Variants in FAM168B observed in about 807,000 individuals in gnomAD.
The protein encoded by FAM168B is myelin-associated neurite-outgrowth inhibitor.
Under a neutral mutation model 21.8 loss-of-function variants are expected in FAM168B, and 19 were observed. That is an observed-to-expected ratio of 0.87 (90% CI 0.61 to 1.28). The LOEUF is 1.28. Ranked by LOEUF, FAM168B falls within the 50% of genes most tolerant of loss-of-function variation. The pLI, the probability that FAM168B is intolerant of heterozygous loss-of-function variation, is 0.00. For missense variants in FAM168B, 233 were observed against 263.1 expected, an observed-to-expected ratio of 0.89 and a Z score of 0.79; for synonymous variants, 126 against 104.8, an observed-to-expected ratio of 1.20 and a Z score of -1.24.
In FAM168B at chr2:131,082,667, A is replaced by G. The variant is rs1298548019; in HGVS notation, c.-11-10T>C. On this transcript the variant is annotated splice_polypyrimidine_tract_variant and intron_variant, in intron 1 of 6. Transcript: ENST00000389915. ...TTCATGATTTCAAAAACTAAAAGAA[A>G]AAAAAGGGAATTTAGCCAAGCACTT... The G allele has an allele frequency of 1.9e-6, 3 of 1,574,316 alleles. No individual in the cohort carries two copies. Among genetic ancestry groups the G allele is most frequent in the Non-Finnish European group, 2.6e-6 (3 of 1,160,608 alleles).
intron 5 of FAM168B, among the ~76,000 whole-genome samples, chr2:131,054,577 G>C (rs913213198): frequency 6.6e-6 from 1 of 152,214 alleles, no homozygotes; most frequent in African/African-American, 2.4e-5. Flanking sequence ...AAAACAAGGA[G>C]GGAACAGTAC....
intron 2 of FAM168B, 91 bp downstream of exon 2, chr2:131,082,486 C>T: frequency 1.2e-6 from 1 of 837,852 alleles, no homozygotes; most frequent in South Asian, 1.7e-5. Flanking sequence ...CCACTTTGAG[C>T]TGCGTTTGTC....
At chr2:131,081,264 G>C (rs903142410) in intron 2 of FAM168B, among the ~76,000 whole-genome samples, 5 of 152,080 alleles carry the variant, frequency 3.3e-5, no homozygotes, top group African/African-American at 1.2e-4. Flanking sequence ...CTACCTGATG[G>C]TTCTTCTCCT....
intron 3 of FAM168B, among the ~76,000 whole-genome samples, chr2:131,060,343 T>C (rs547178358): frequency 1.3e-5 from 2 of 152,300 alleles, no homozygotes; most frequent in Admixed American, 6.5e-5. Context: ...AATATTCCCA[T>C]GTACTTGTGC....
At chr2:131,075,563 C>T (rs1007258874) in intron 2 of FAM168B, among the ~76,000 whole-genome samples, 2 of 151,596 alleles carry the variant, frequency 1.3e-5, no homozygotes, top group Admixed American at 1.3e-4. Context: ...GGCGTGATCT[C>T]GGCTTACTGC....
chr2:131,085,058 G>A (rs975632684), intron 1 of FAM168B, among the ~76,000 whole-genome samples: 2 of 152,112 alleles, frequency 1.3e-5, no homozygotes, highest in African/African-American at 4.8e-5. Context: ...TAAAGATTAA[G>A]GTGATCTTTA....
chr2:131,053,921 A>G (rs1691850804), intron 5 of FAM168B, among the ~76,000 whole-genome samples: 2 of 151,280 alleles, frequency 1.3e-5, no homozygotes, highest in Admixed American at 1.3e-4. Context: ...AAAAAACAAG[A>G]GGCTGGCAAC....
chr2:131,074,881 G>A (rs1041858490), intron 2 of FAM168B, among the ~76,000 whole-genome samples: 2 of 152,108 alleles, frequency 1.3e-5, no homozygotes, highest in Admixed American at 1.3e-4. Flanking sequence ...GTTTCTGTGG[G>A]AACAGGAGGC....
chr2:131,093,059 C>G (rs1253579765), intron 1 of FAM168B, among the ~76,000 whole-genome samples, 155 bp downstream of exon 1: 1 of 151,350 alleles, frequency 6.6e-6, no homozygotes, highest in Non-Finnish European at 1.5e-5. Context: ...GGCCCCCGCC[C>G]GGCCTTGCCC....
chr2:131,091,164 C>A (rs1260242766), intron 1 of FAM168B, among the ~76,000 whole-genome samples: 1 of 152,016 alleles, frequency 6.6e-6, no homozygotes, highest in Non-Finnish European at 1.5e-5. Flanking sequence ...TGAGATGAGA[C>A]CCCATCTCTA....
At chr2:131,086,349 A>C (rs751038873) in intron 1 of FAM168B, among the ~76,000 whole-genome samples, 13 of 152,224 alleles carry the variant, frequency 8.5e-5, no homozygotes, top group Non-Finnish European at 1.9e-4. Context: ...GGCAAGTCAC[A>C]ATCTCTTCTG....
intron 3 of FAM168B, among the ~76,000 whole-genome samples, chr2:131,067,419 T>C (rs375912442): frequency 2.8e-4 from 43 of 152,210 alleles, no homozygotes; most frequent in Non-Finnish European, 3.8e-4. Flanking sequence ...CAAGTCAGCA[T>C]TGGGTGCAAA....
At position 131,085,569 on chromosome 2, in the gene FAM168B, T is replaced by C. The variant is rs532699688; in HGVS notation, c.-11-2912A>G. 7.9e-5 allele frequency among the ~76,000 whole-genome samples: 12 copies of C among 152,348 alleles called. No homozygotes were observed. In the South Asian group the frequency reaches 2.3e-3, roughly 29 times the overall value. On this transcript the variant is annotated intron_variant, in intron 1 of 6. Transcript: ENST00000389915. The stretch of plus-strand genomic sequence containing the variant: ...TCAAATTTTCAGCTCATTTGTCTCA[T>C]TTAGAATATTCACAACCAAGCAATC...
Position 131,052,975 on chromosome 2 carries a change from G to A in FAM168B, c.516C>T (p.Pro172=), listed in dbSNP as rs1407534216. 5.8e-6 allele frequency: 9 copies of A among 1,558,856 alleles called. No homozygotes were observed. The East Asian group carries it at 1.9e-4, about 33-fold the overall frequency. Residue 172 remains proline, a synonymous_variant, in exon 6 of 7, where the codon CCC becomes CCT. Coordinates refer to ENST00000389915, the MANE Select transcript of FAM168B (RefSeq NM_001009993.4). ...GGTACGTGGGCACAGTGACCGGGTG[G>A]GGGGCGACAGGAGTTGGGGAGTGAG... ...LTAHSPTPVA[P]HPVTVPTYRA...
Position 131,087,063 on chromosome 2 carries a change from C to CAAAA in FAM168B, c.-11-4410_-11-4407dup, listed in dbSNP as rs70994735. On this transcript the variant is annotated intron_variant, in intron 1 of 6. Coordinates refer to ENST00000389915, the MANE Select transcript of FAM168B (RefSeq NM_001009993.4). ...CCTGGGCGACAGCGAGACTCCGTCT[C>CAAAA]AAAAAAAAAAAAAAAAAAAAAAGAG... 1.1e-3 allele frequency among the ~76,000 whole-genome samples: 46 copies of CAAAA among 40,460 alleles called. 1 individual carries two copies. The highest frequency in any genetic ancestry group is 1.2e-3 in the Non-Finnish European group (34 of 28,996). 26.5% of individuals were successfully genotyped at this position (40,460 alleles called of 152,430 possible).
chr2:131,086,479 G>A (rs1484061224), intron 1 of FAM168B, among the ~76,000 whole-genome samples: 1 of 152,154 alleles, frequency 6.6e-6, no homozygotes, highest in Non-Finnish European at 1.5e-5. Flanking sequence ...GGATGCGGTG[G>A]TGCACACCTG....
At position 131,049,255 on chromosome 2, in the gene FAM168B, GGTA is replaced by G; in HGVS notation, c.*3207_*3209del. The G allele has an allele frequency of 6.1e-6, 6 of 985,452 alleles. No individual in the cohort carries two copies. Among genetic ancestry groups the G allele is most frequent in the Non-Finnish European group, 7.2e-6 (6 of 829,980 alleles). The allele number at this position is 985,452 out of a possible 1,614,324, so 61.0% of individuals were successfully genotyped here. On this transcript the variant is annotated 3_prime_UTR_variant, in exon 7 of 7. Coordinates refer to ENST00000389915, the MANE Select transcript of FAM168B (RefSeq NM_001009993.4). ...CAGATGATGCCACCAGAAAGAGCAA[GGTA>G]CTGTATGCCCAGCTGGGGAAGGGCA...
In FAM168B at chr2:131,050,443, AAC is replaced by A. The variant is rs1232987750; in HGVS notation, c.*2020_*2021del. On this transcript the variant is annotated 3_prime_UTR_variant, in exon 7 of 7. Coordinates refer to ENST00000389915, the MANE Select transcript of FAM168B (RefSeq NM_001009993.4). ...CATCCACTAAACAGATGGAATTACC[AAC>A]AGAGACTTGAAGAAAGGGGCACAAA... The A allele has an allele frequency of 1.0e-6, 1 of 985,736 alleles. No homozygotes were observed. Among genetic ancestry groups the A allele is most frequent in the Non-Finnish European group, 1.2e-6 (1 of 829,948 alleles). 61.1% of individuals were successfully genotyped at this position (985,736 alleles called of 1,614,324 possible).
chr2:131,090,522 A>G (rs1254094306), intron 1 of FAM168B, among the ~76,000 whole-genome samples: 2 of 152,142 alleles, frequency 1.3e-5, no homozygotes, highest in Non-Finnish European at 2.9e-5. Context: ...TATACAAGAT[A>G]CAATACTCAG....
Sources: allele counts gnomAD v4.1 joint callset (sites outside exome capture counted in the v4.1 genomes callset), GRCh38; gene constraint gnomAD v4.1.1; transcripts MANE v1.5; gene names NCBI Gene and HGNC (gene_info 2026-07-23, HGNC 2026-07-21).